The following CAMTA1 variants were observed in gnomAD, a reference collection of about 807,000 sequenced individuals.
The protein encoded by CAMTA1 is calmodulin binding transcription activator 1.
A neutral mutation model predicts 170.9 loss-of-function variants in CAMTA1; 27 were observed. That is an observed-to-expected ratio of 0.16 (90% CI 0.12 to 0.22). The LOEUF (loss-of-function observed/expected upper bound fraction) is 0.22. CAMTA1 is among the 10% of genes least tolerant of loss of function. CAMTA1 has a pLI of 1.00. For missense variants in CAMTA1, 1,619 were observed against 2,217.2 expected (o/e 0.73, Z 5.42); for synonymous variants, 833 against 891.5 (o/e 0.93, Z 1.17).
intron 4 of CAMTA1, among the ~76,000 whole-genome samples, chr1:7,233,349 C>T (rs951974800): frequency 6.6e-6 from 1 of 152,118 alleles, no homozygotes; most frequent in Non-Finnish European, 1.5e-5. Flanking sequence ...GAGCAGGGCT[C>T]CCATCACTGT....
intron 3 of CAMTA1, among the ~76,000 whole-genome samples, chr1:6,894,841 A>G (rs1159885964): frequency 6.6e-6 from 1 of 152,232 alleles, no homozygotes; most frequent in Non-Finnish European, 1.5e-5. Flanking sequence ...AACTAGCACA[A>G]CATTTTAAAT....
chr1:7,230,119 C>A lies in CAMTA1; in HGVS notation c.303-19372C>A, dbSNP rs190149790. 1.2e-3 allele frequency among the ~76,000 whole-genome samples: 184 copies of A among 152,226 alleles called. 1 individual carries two copies. The highest frequency in any genetic ancestry group is 4.1e-3 in the South Asian group (20 of 4,824). ...AGCCGGTTCCTAGGGTGTCCCCCCC[C>A]ACCACATCTGGGGAAAGCCCAGCCT... On this transcript the variant is annotated intron_variant, in intron 4 of 22. Transcript: ENST00000303635.
At chr1:6,929,565 A>G (rs1261153437) in intron 3 of CAMTA1, among the ~76,000 whole-genome samples, 5 of 152,112 alleles carry the variant, frequency 3.3e-5, no homozygotes, top group Non-Finnish European at 7.3e-5. Context: ...GGGTTTCACC[A>G]TGTTAGCCAG....
chr1:7,507,102 A>G (rs116318719), intron 6 of CAMTA1, among the ~76,000 whole-genome samples: 5,190 of 151,842 alleles, frequency 0.034, 262 homozygotes, highest in African/African-American at 0.12. Flanking sequence ...ACCCACACTT[A>G]CATGCTCACC....
At chr1:6,880,561 T>C (rs1002625930) in intron 3 of CAMTA1, among the ~76,000 whole-genome samples, 1 of 152,000 alleles carries the variant, frequency 6.6e-6, no homozygotes, top group Non-Finnish European at 1.5e-5. Flanking sequence ...AGCTAACTTT[T>C]TGTGTTTTTG....
intron 11 of CAMTA1, chr1:7,698,628 C>G (rs1452969544): frequency 1.3e-5 from 2 of 151,250 alleles, no homozygotes; most frequent in African/African-American, 2.4e-5. Flanking sequence ...GTTTGAGGCT[C>G]TCTGCAAAGC....
chr1:7,023,603 G>GT (rs879671832), intron 3 of CAMTA1, among the ~76,000 whole-genome samples: 34 of 151,778 alleles, frequency 2.2e-4, no homozygotes, highest in South Asian at 8.3e-4. Context: ...GAAACAAGTG[G>GT]TTTTTTTTAA....
At chr1:7,495,715 G>C (rs889361631) in intron 6 of CAMTA1, among the ~76,000 whole-genome samples, 1 of 152,226 alleles carries the variant, frequency 6.6e-6, no homozygotes, top group East Asian at 1.9e-4. Context: ...GCCAGGTGCG[G>C]AATGAAAATT....
At chr1:7,496,141 C>A (rs548061839) in intron 6 of CAMTA1, among the ~76,000 whole-genome samples, 1 of 152,352 alleles carries the variant, frequency 6.6e-6, no homozygotes, top group East Asian at 1.9e-4. Flanking sequence ...GCCATCCTCT[C>A]CCCGGGCTGC....
chr1:7,000,423 A>G (rs1326611715), intron 3 of CAMTA1, among the ~76,000 whole-genome samples: 1 of 152,224 alleles, frequency 6.6e-6, no homozygotes, highest in East Asian at 1.9e-4. Context: ...GCAGGGGAGT[A>G]GGTTTAAAAT....
At chr1:7,102,656 G>A (rs896452799) in intron 4 of CAMTA1, among the ~76,000 whole-genome samples, 4 of 152,138 alleles carry the variant, frequency 2.6e-5, no homozygotes, top group South Asian at 2.1e-4. Flanking sequence ...AGCCTGCACC[G>A]TGAAATGTGC....
At chr1:7,291,374 C>A (rs1894654) in intron 5 of CAMTA1, among the ~76,000 whole-genome samples, 1 of 151,936 alleles carries the variant, frequency 6.6e-6, no homozygotes, top group Non-Finnish European at 1.5e-5. Flanking sequence ...GGAGTAGTTA[C>A]GTGAAAACAG....
At chr1:7,061,734 A>G (rs7521119) in intron 3 of CAMTA1, among the ~76,000 whole-genome samples, 88,664 of 128,082 alleles carry the variant, frequency 0.69, 31,390 homozygotes, top group African/African-American at 0.78. Flanking sequence ...GGCGGGGAGA[A>G]GGGGCAGTGC....
chr1:7,752,015 G>T (rs950509481), intron 20 of CAMTA1, among the ~76,000 whole-genome samples: 4 of 152,158 alleles, frequency 2.6e-5, no homozygotes, highest in Admixed American at 6.5e-5. Flanking sequence ...CCATTTTAGA[G>T]ACTGTAATAA....
At chr1:7,418,222 G>A (rs1458417459) in intron 5 of CAMTA1, among the ~76,000 whole-genome samples, 4 of 152,130 alleles carry the variant, frequency 2.6e-5, no homozygotes, top group African/African-American at 7.2e-5. Flanking sequence ...TTGAGATGGA[G>A]TCTTACTTTG....
intron 6 of CAMTA1, among the ~76,000 whole-genome samples, chr1:7,510,148 G>A (rs1168748611): frequency 3.7e-5 from 5 of 134,758 alleles, no homozygotes; most frequent in East Asian, 2.4e-4. Flanking sequence ...GACGGCACTC[G>A]AGATAACACT....
rs889587976 is a variant in CAMTA1 at position 7,229,869 on chromosome 1, C to T, written c.303-19622C>T. Among the ~76,000 whole-genome samples, 15 of 152,120 alleles carry T rather than the reference C, an allele frequency of 9.9e-5. No individual in the cohort carries two copies. The East Asian group carries it at 1.2e-3, about 12-fold the overall frequency. ...GAAGAAAATAGCCCGCATAGTCCCC[C>T]GGCTCCCCGATGACCATTGGTGAGA... On this transcript the variant is annotated intron_variant, in intron 4 of 22. Transcript: ENST00000303635.
At chr1:7,660,598 CTGCCA>C (rs1161460491) in intron 7 of CAMTA1, among the ~76,000 whole-genome samples, 1 of 152,162 alleles carries the variant, frequency 6.6e-6, no homozygotes, top group African/African-American at 2.4e-5. Flanking sequence ...CAGCTCCTAC[CTGCCA>C]TGTCGACGCT....
chr1:6,968,996 A>G lies in CAMTA1; in HGVS notation c.235-122308A>G, dbSNP rs143985730. On this transcript the variant is annotated intron_variant, in intron 3 of 22. Coordinates refer to ENST00000303635, the MANE Select transcript of CAMTA1 (RefSeq NM_015215.4). Reference sequence around the variant, plus strand: ...GGAGCTAGTCTGTCTTGCCAAGTTGAGGGACATTTAAAGGGTTTGACTTTA... The same window carrying G: ...GGAGCTAGTCTGTCTTGCCAAGTTGGGGGACATTTAAAGGGTTTGACTTTA... Among the ~76,000 whole-genome samples the G allele has an allele frequency of 4.9e-3, 747 of 152,138 alleles. 7 individuals carry two copies. Among genetic ancestry groups the G allele is most frequent in the African/African-American group, 0.018 (727 of 41,494 alleles).
Sources: allele counts gnomAD v4.1 joint callset (sites outside exome capture counted in the v4.1 genomes callset), GRCh38; gene constraint gnomAD v4.1.1; transcripts MANE v1.5; gene names NCBI Gene and HGNC (gene_info 2026-07-23, HGNC 2026-07-21).